The following POLD1 variants were observed in gnomAD, a reference collection of about 807,000 sequenced individuals.
POLD1 encodes DNA polymerase delta catalytic subunit.
A neutral mutation model predicts 129.7 loss-of-function variants in POLD1; 79 were observed. The observed-to-expected ratio is 0.61, with a 90% CI of 0.51 to 0.73. The LOEUF (loss-of-function observed/expected upper bound fraction) is 0.73. POLD1 is among the 30% of genes least tolerant of loss of function. POLD1 has a pLI of 0.00. For synonymous variants in POLD1, 714 were observed against 683.3 expected (o/e 1.04, Z -0.70); for missense variants, 1,338 against 1,595.8 (o/e 0.84, Z 2.75).
At chr19:50,412,733 G>T (rs1164135562) in intron 17 of POLD1, among the ~76,000 whole-genome samples, 1 of 148,440 alleles carries the variant, frequency 6.7e-6, no homozygotes, top group African/African-American at 2.6e-5. Context: ...TGGTGGTGGT[G>T]GTGGTGTTGT....
chr19:50,413,841 G>C lies in POLD1; in HGVS notation c.2350G>C (p.Gly784Arg), dbSNP rs2122450521. The change falls in exon 19 of 27, where the codon GGT becomes CGT. Residue 784 changes from glycine (G) to arginine (R), a missense_variant. Around this residue, in one of 3 missense-constraint regions of POLD1, gnomAD observed 720 missense variants for 1,002.6 expected, o/e 0.72. Coordinates refer to ENST00000440232, the MANE Select transcript of POLD1 (RefSeq NM_002691.4). ...LGREAADWVS[G>R]HFPSPIRLEF... The stretch of plus-strand genomic sequence containing the variant: ...GCGGGAGGCCGCGGACTGGGTGTCA[G>C]GTCACTTCCCGTCGCCCATCCGGCT... 1 of 1,611,348 alleles carries C rather than the reference G, an allele frequency of 6.2e-7. No individual in the cohort carries two copies. The highest frequency in any genetic ancestry group is 8.5e-7 in the Non-Finnish European group (1 of 1,178,844).
At chr19:50,386,852 A>G (rs2037987559) in intron 1 of POLD1, among the ~76,000 whole-genome samples, 1 of 152,200 alleles carries the variant, frequency 6.6e-6, no homozygotes, top group Admixed American at 6.5e-5. Context: ...GGCCGAAAGC[A>G]TGCAGGTGAG....
chr19:50,396,879 T>C (rs1285453186), intron 1 of POLD1, among the ~76,000 whole-genome samples: 1 of 150,834 alleles, frequency 6.6e-6, no homozygotes, highest in East Asian at 2.0e-4. Context: ...GTGGATCACC[T>C]GAGGTCAGGA....
rs1325345561 is a variant in POLD1 at position 50,406,435 on chromosome 19, C to T, written c.1412C>T (p.Ser471Phe). The T allele has an allele frequency of 6.2e-7, 1 of 1,600,170 alleles. No homozygotes were observed. The highest frequency in any genetic ancestry group is 8.5e-7 in the Non-Finnish European group (1 of 1,173,130). ...CTGCTGCGGGAGTACAAGCTCCGCT[C>T]CTACACGCTCAATGCCGTGAGCTTC... ...QVLLREYKLR[S>F]YTLNAVSFHF... The change falls in exon 12 of 27, where the codon TCC becomes TTC. Residue 471 changes from serine (S) to phenylalanine (F), a missense_variant. Ser to Phe is a radical substitution (Grantham distance 155). This residue lies in a region of POLD1 where 720 missense variants were observed against 1,002.6 expected (regional missense o/e 0.72). Transcript: ENST00000440232. The surrounding 1 kb of genome is among the most constrained non-coding windows in gnomAD (Gnocchi z 5.5).
Position 50,409,726 on chromosome 19 carries a change from C to A in POLD1, c.2154+60C>A, listed in dbSNP as rs2122392467. 1 of 1,518,170 alleles carries A rather than the reference C, an allele frequency of 6.6e-7. No individual in the cohort carries two copies. The highest frequency in any genetic ancestry group is 8.9e-7 in the Non-Finnish European group (1 of 1,127,028). The allele number at this position is 1,518,170 out of a possible 1,614,324, so 94.0% of individuals were successfully genotyped here. On this transcript the variant is annotated intron_variant, in intron 17 of 26. Coordinates refer to ENST00000440232, the MANE Select transcript of POLD1 (RefSeq NM_002691.4). This position sits in a 1 kb window ranked among gnomAD's most constrained non-coding sequence, Gnocchi z 5.8. ...CAGGTGGGCCCCCTGTGTAGGAGAC[C>A]AGGGCTCCATGTGGGGGACCTGTAT...
In POLD1 at chr19:50,402,692, T is replaced by G. The variant is rs2038702963; in HGVS notation, c.921T>G (p.Ile307Met). 1 of 1,600,644 alleles carries G rather than the reference T, an allele frequency of 6.2e-7. No individual in the cohort carries two copies. Among genetic ancestry groups the G allele is most frequent in the Non-Finnish European group, 8.5e-7 (1 of 1,171,792 alleles). The change falls in exon 8 of 27, where the codon ATT (isoleucine) becomes ATG (methionine). Residue 307 changes from isoleucine to methionine, a missense_variant. Transcript: ENST00000440232. ...SHPPEGPWQRIAPLRVLSFDI... is the reference protein window; with the variant it reads ...SHPPEGPWQRMAPLRVLSFDI... ...CACCGGAAGGGCCATGGCAGCGCAT[T>G]GCGCCCTTGCGCGTGCTCAGCTTCG...
intron 10 of POLD1, among the ~76,000 whole-genome samples, chr19:50,405,013 C>T (rs886275755): frequency 6.6e-6 from 1 of 152,088 alleles, no homozygotes; most frequent in African/African-American, 2.4e-5. Flanking sequence ...GATCTGCCCA[C>T]TTCGGCCTCC....
At chr19:50,399,551 AG>A in intron 3 of POLD1, 67 bp downstream of exon 3, 1 of 1,215,558 alleles carries the variant, frequency 8.2e-7, no homozygotes, top group South Asian at 1.2e-5. Context: ...GGGCCAGGTC[AG>A]CCCCTCTGGC....
Position 50,402,506 on chromosome 19 carries a change from G to A in POLD1, c.811G>A (p.Gly271Arg), listed in dbSNP as rs923485004. ...CTGCAACTGGCTGGAGCTCCCAGCT[G>A]GGAAATACGCCCTGAGGCTGAAGGA... is the stretch of plus-strand genomic sequence containing the variant. ...VGCNWLELPA[G>R]KYALRLKEKA... Residue 271 changes from glycine to arginine, a missense_variant, in exon 7 of 27, where the codon GGG (glycine) becomes AGG (arginine). Coordinates refer to ENST00000440232, the MANE Select transcript of POLD1 (RefSeq NM_002691.4). The A allele has an allele frequency of 8.1e-6, 13 of 1,609,442 alleles. No individual in the cohort carries two copies. In the African/African-American group the frequency reaches 1.6e-4, roughly 20 times the overall value.
At position 50,409,396 on chromosome 19, in the gene POLD1, T is replaced by C; in HGVS notation, c.2007-123T>C. 1 of 1,426,422 alleles carries C rather than the reference T, an allele frequency of 7.0e-7. No individual in the cohort carries two copies. Among genetic ancestry groups the C allele is most frequent in the Non-Finnish European group, 9.7e-7 (1 of 1,030,896 alleles). The allele number at this position is 1,426,422 out of a possible 1,614,324, so 88.4% of individuals were successfully genotyped here. ...CTCCTGGCAGCTTCCTTTTGCCCCC[T>C]TGGCCAGAAGCTTCTGTGCAGTGCA... On this transcript the variant is annotated intron_variant, in intron 16 of 26. Coordinates refer to ENST00000440232, the MANE Select transcript of POLD1 (RefSeq NM_002691.4). This position sits in a 1 kb window ranked among gnomAD's most constrained non-coding sequence, Gnocchi z 5.8.
intron 17 of POLD1, among the ~76,000 whole-genome samples, chr19:50,412,623 G>A (rs2039124282): frequency 6.6e-6 from 1 of 152,126 alleles, no homozygotes; most frequent in Non-Finnish European, 1.5e-5. Flanking sequence ...AAATGCTCTA[G>A]TTAGACAGAT....
intron 3 of POLD1, 145 bp from the exon 4 acceptor site, chr19:50,401,633 A>AG: frequency 1.2e-6 from 1 of 837,360 alleles, no homozygotes; most frequent in South Asian, 1.5e-5. Context: ...GATGGGAACC[A>AG]GGGGGGAGGC....
At chr19:50,404,917 G>A (rs373307828) in intron 10 of POLD1, among the ~76,000 whole-genome samples, 13 of 152,040 alleles carry the variant, frequency 8.6e-5, no homozygotes, top group East Asian at 5.8e-4. Flanking sequence ...ATAGGCACCC[G>A]CTTCCATGCC....
chr19:50,409,889 G>A lies in POLD1; in HGVS notation c.2154+223G>A, dbSNP rs1054428001. Among the ~76,000 whole-genome samples the A allele has an allele frequency of 6.6e-6, 1 of 152,248 alleles. No homozygotes were observed. The highest frequency in any genetic ancestry group is 2.4e-5 in the African/African-American group (1 of 41,468). ...GTCAGGGCTCACTCTGTGCCCTGGG[G>A]ATACAGAGGGGAACAAAATGGATGA... On this transcript the variant is annotated intron_variant, in intron 17 of 26. Coordinates refer to ENST00000440232, the MANE Select transcript of POLD1 (RefSeq NM_002691.4). This position sits in a 1 kb window ranked among gnomAD's most constrained non-coding sequence, Gnocchi z 5.8.
At chr19:50,413,918 T>C (rs2122453282) in intron 19 of POLD1, 39 bp downstream of exon 19, 1 of 1,543,444 alleles carries the variant, frequency 6.5e-7, no homozygotes, top group Non-Finnish European at 8.8e-7. Context: ...TTAGGTGCCC[T>C]CATCAGGGTA....
In POLD1 at chr19:50,409,817, T is replaced by C. The variant is rs1176791911; in HGVS notation, c.2154+151T>C. 3 of 823,500 alleles carry C rather than the reference T, an allele frequency of 3.6e-6. No homozygotes were observed. The highest frequency in any genetic ancestry group is 5.7e-6 in the Non-Finnish European group (3 of 529,162). The allele number at this position is 823,500 out of a possible 1,614,324, so 51.0% of individuals were successfully genotyped here. On this transcript the variant is annotated intron_variant, in intron 17 of 26. Coordinates refer to ENST00000440232, the MANE Select transcript of POLD1 (RefSeq NM_002691.4). The surrounding 1 kb of genome is among the most constrained non-coding windows in gnomAD (Gnocchi z 5.8). Reference sequence around the variant, plus strand: ...GAGGATGCCAATGTGGCTTGAGCAATTGGTCCATTCCTTCACTCAGCAAAT... The same window carrying C: ...GAGGATGCCAATGTGGCTTGAGCAACTGGTCCATTCCTTCACTCAGCAAAT...
At chr19:50,414,699 C>T (rs1192796727) in intron 19 of POLD1, 116 bp from the exon 20 acceptor site, 2 of 815,148 alleles carry the variant, frequency 2.5e-6, no homozygotes, top group Non-Finnish European at 3.7e-6. Context: ...CAGGGCACGG[C>T]TCCCATGTCC....
chr19:50,395,362 G>A (rs1050530640), intron 1 of POLD1, among the ~76,000 whole-genome samples: 6 of 151,892 alleles, frequency 4.0e-5, no homozygotes, highest in Non-Finnish European at 8.8e-5. Context: ...TCGGGAGGCC[G>A]AGGCGGGCGG....
At chr19:50,415,926 C>A in intron 22 of POLD1, 100 bp downstream of exon 22, 1 of 898,890 alleles carries the variant, frequency 1.1e-6, no homozygotes, top group Non-Finnish European at 1.6e-6. Flanking sequence ...CCTCCCGTGC[C>A]CTGTGGGGCC....
Sources: allele counts gnomAD v4.1 joint callset (sites outside exome capture counted in the v4.1 genomes callset), GRCh38; gene constraint gnomAD v4.1.1; regional missense constraint gnomAD v4.1.1; non-coding constraint Gnocchi (gnomAD v3.1); transcripts MANE v1.5; gene names NCBI Gene and HGNC (gene_info 2026-07-23, HGNC 2026-07-21).